The following TBC1D14 variants were observed in gnomAD, a reference collection of about 807,000 sequenced individuals.
The protein encoded by TBC1D14 is TBC1 domain family, member 14.
A neutral mutation model predicts 79.0 loss-of-function variants in TBC1D14; 26 were observed. The ratio of observed to expected loss-of-function variants is 0.33; its 90% confidence interval spans 0.24 to 0.46. The LOEUF is 0.46. TBC1D14 is among the 20% of genes least tolerant of loss of function. The pLI, the probability that TBC1D14 is intolerant of heterozygous loss-of-function variation, is 1.00. For synonymous variants in TBC1D14, 394 were observed against 349.9 expected (o/e 1.13, Z -1.40); for missense variants, 769 against 887.6 (o/e 0.87, Z 1.70).
At chr4:6,954,557 T>G (rs1181625945) in intron 2 of TBC1D14, among the ~76,000 whole-genome samples, 1 of 152,182 alleles carries the variant, frequency 6.6e-6, no homozygotes, top group African/African-American at 2.4e-5. Flanking sequence ...TGTGCTTATG[T>G]GTATCTCATG....
intron 2 of TBC1D14, among the ~76,000 whole-genome samples, chr4:6,942,178 A>G (rs1712974968): frequency 6.6e-6 from 1 of 152,220 alleles, no homozygotes; most frequent in Non-Finnish European, 1.5e-5. Flanking sequence ...TATCTTAAAT[A>G]GGAGATTATT....
Position 7,006,597 on chromosome 4 carries a change from TG to T in TBC1D14, c.1352-34del, listed in dbSNP as rs1448395355. 3.2e-6 allele frequency: 5 copies of T among 1,584,818 alleles called. No individual in the cohort carries two copies. In the Admixed American group the frequency reaches 8.4e-5, roughly 27 times the overall value. On this transcript the variant is annotated intron_variant, in intron 8 of 13. Transcript: ENST00000409757. Reference sequence around the variant, plus strand: ...CGTAATTGTCCTACATTCGTGCCCTTGAGGAATGTAATTATTTTTGGCATCT... The same window carrying T: ...CGTAATTGTCCTACATTCGTGCCCTTAGGAATGTAATTATTTTTGGCATCT...
chr4:6,924,038 C>A lies in TBC1D14; in HGVS notation c.649C>A (p.Gln217Lys), dbSNP rs912620296. The A allele has an allele frequency of 2.5e-6, 4 of 1,613,986 alleles. No homozygotes were observed. In the Admixed American group the frequency reaches 6.7e-5, roughly 27 times the overall value. The change falls in exon 2 of 14, where the codon CAG becomes AAG. Residue 217 changes from glutamine (Q) to lysine (K), a missense_variant. By Grantham distance (53) the Gln-to-Lys change is moderately conservative (BLOSUM62 1). Around this residue, in one of 2 missense-constraint regions of TBC1D14, gnomAD observed 402 missense variants for 393.2 expected, o/e 1.02. Transcript: ENST00000409757. ...SIKETRGLHQ[Q>K]DCVHEAEEGS... ...CAAGGAAACCCGTGGCTTACACCAG[C>A]AGGACTGTGTTCATGAAGCTGAGGA...
intron 3 of TBC1D14, among the ~76,000 whole-genome samples, chr4:6,990,886 C>A (rs1490609369): frequency 6.8e-6 from 1 of 147,216 alleles, no homozygotes; most frequent in Admixed American, 6.7e-5. Flanking sequence ...TAATCCACAA[C>A]TGAGTGTTCT....
rs1274786449 is a variant in TBC1D14 at position 7,024,986 on chromosome 4, C to T, written c.1758-18C>T. The T allele has an allele frequency of 5.6e-6, 9 of 1,610,264 alleles. No homozygotes were observed. The highest frequency in any genetic ancestry group is 7.6e-6 in the Non-Finnish European group (9 of 1,177,498). ...GGAGAGATTCAAAATCTGAAAAATT[C>T]CAACTTTTACCCCCTAGGATCTTTA... is the stretch of plus-strand genomic sequence containing the variant. On this transcript the variant is annotated intron_variant, in intron 12 of 13. Coordinates refer to ENST00000409757, the MANE Select transcript of TBC1D14 (RefSeq NM_020773.3).
chr4:6,935,003 C>T (rs187108517), intron 2 of TBC1D14, among the ~76,000 whole-genome samples: 34 of 152,276 alleles, frequency 2.2e-4, no homozygotes, highest in Admixed American at 2.2e-3. Context: ...TCACTTGACC[C>T]AGGAGGTCGA....
At chr4:7,027,527 C>T (rs1399342861) in intron 13 of TBC1D14, among the ~76,000 whole-genome samples, 1 of 148,708 alleles carries the variant, frequency 6.7e-6, no homozygotes, top group Non-Finnish European at 1.5e-5. Flanking sequence ...TCACCCCACA[C>T]ACACATCACA....
chr4:6,972,257 C>G (rs750455865), intron 3 of TBC1D14, among the ~76,000 whole-genome samples: 2 of 152,198 alleles, frequency 1.3e-5, no homozygotes, highest in Non-Finnish European at 2.9e-5. Context: ...CAGATTTAAA[C>G]AAATAACTCT....
At chr4:6,920,498 G>C (rs1392034369) in intron 1 of TBC1D14, among the ~76,000 whole-genome samples, 1 of 152,082 alleles carries the variant, frequency 6.6e-6, no homozygotes, top group East Asian at 1.9e-4. Flanking sequence ...GGCAGGCCAG[G>C]CTTCCTAAAG....
At chr4:6,970,505 G>A (rs537570058) in intron 3 of TBC1D14, among the ~76,000 whole-genome samples, 4 of 152,270 alleles carry the variant, frequency 2.6e-5, no homozygotes, top group East Asian at 1.9e-4. Context: ...ATGGAACAAC[G>A]GAACACAGTG....
At chr4:6,953,480 A>AC in intron 2 of TBC1D14, among the ~76,000 whole-genome samples, 3 of 145,948 alleles carry the variant, frequency 2.1e-5, no homozygotes, top group Non-Finnish European at 3.0e-5. Flanking sequence ...AAATACAAAA[A>AC]ATTAGCCGGG....
intron 8 of TBC1D14, 27 bp downstream of exon 8, chr4:7,004,951 C>T (rs757461601): frequency 3.5e-5 from 56 of 1,590,050 alleles, no homozygotes; most frequent in Non-Finnish European, 4.6e-5. Context: ...AACCAGCGGA[C>T]TGCTGTGGTC....
At chr4:6,967,813 G>C (rs1267119570) in intron 3 of TBC1D14, among the ~76,000 whole-genome samples, 1 of 152,166 alleles carries the variant, frequency 6.6e-6, no homozygotes, top group Non-Finnish European at 1.5e-5. Flanking sequence ...CATCCTTCCT[G>C]TGCTACTCTG....
At chr4:6,969,598 G>T (rs779161824) in intron 3 of TBC1D14, among the ~76,000 whole-genome samples, 10 of 151,912 alleles carry the variant, frequency 6.6e-5, no homozygotes, top group Non-Finnish European at 1.5e-4. Flanking sequence ...GTAGAGACGG[G>T]GTTTCAACAT....
intron 9 of TBC1D14, 61 bp from the exon 10 acceptor site, chr4:7,009,816 G>A (rs1720564435): frequency 1.3e-6 from 2 of 1,539,534 alleles, no homozygotes; most frequent in South Asian, 1.1e-5. Flanking sequence ...AGTATCAGAT[G>A]TTCGTCTGAG....
chr4:6,909,791 T>C (rs1036811964), upstream of TBC1D14: 7 of 146,210 alleles, frequency 4.8e-5, no homozygotes, highest in Non-Finnish European at 9.1e-5. Flanking sequence ...GAAGCGAGGG[T>C]GCGCGCCGCT....
chr4:6,923,162 A>G (rs2108922429), intron 1 of TBC1D14, among the ~76,000 whole-genome samples: 1 of 152,352 alleles, frequency 6.6e-6, no homozygotes. Flanking sequence ...AGATGGCGCC[A>G]CTGCCCTCCA....
At chr4:6,997,868 G>A (rs1719225406) in intron 5 of TBC1D14, among the ~76,000 whole-genome samples, 3 of 152,106 alleles carry the variant, frequency 2.0e-5, no homozygotes, top group South Asian at 4.1e-4. Flanking sequence ...TTGGGGAGAC[G>A]GGGAGTAGGA....
At chr4:6,965,197 C>G (rs753716153) in intron 2 of TBC1D14, among the ~76,000 whole-genome samples, 39 of 151,734 alleles carry the variant, frequency 2.6e-4, no homozygotes, top group Non-Finnish European at 4.7e-4. Context: ...ACTCTGTCGC[C>G]CCCAGGCTGG....
Sources: allele counts gnomAD v4.1 joint callset (sites outside exome capture counted in the v4.1 genomes callset), GRCh38; gene constraint gnomAD v4.1.1; regional missense constraint gnomAD v4.1.1; transcripts MANE v1.5; gene names NCBI Gene and HGNC (gene_info 2026-07-23, HGNC 2026-07-21).